Variants in SHISAL1 observed in about 807,000 individuals in gnomAD.
SHISAL1 encodes the protein protein shisa-like-1.
In SHISAL1, 9 loss-of-function variants were observed where a neutral mutation model predicts 22.6. The observed-to-expected ratio is 0.40, with a 90% CI of 0.24 to 0.70. The LOEUF (loss-of-function observed/expected upper bound fraction) is 0.70. SHISAL1 is among the 30% of genes least tolerant of loss of function. The pLI, the probability that SHISAL1 is intolerant of heterozygous loss-of-function variation, is 0.39. For missense variants in SHISAL1, 246 were observed against 270.6 expected (o/e 0.91, Z 0.64); for synonymous variants, 119 against 115.4 (o/e 1.03, Z -0.20).
chr22:44,292,981 T>G (rs1459248906), intron 3 of SHISAL1, among the ~76,000 whole-genome samples: 2 of 152,220 alleles, frequency 1.3e-5, no homozygotes, highest in Admixed American at 1.3e-4. Flanking sequence ...CCAGGGACGC[T>G]TGATGGCCTC....
Position 44,274,214 on chromosome 22 carries a change from C to A in SHISAL1, c.599+11214G>T, listed in dbSNP as rs547777446. ...GCAGTGAGCCAAGATCACACCACTG[C>A]ACTCCAGCCTGGGCGACAGAATGAG... On this transcript the variant is annotated intron_variant, in intron 4 of 4. Transcript: ENST00000381176. 2.6e-5 allele frequency among the ~76,000 whole-genome samples: 4 copies of A among 152,222 alleles called. No homozygotes were observed. The East Asian group carries it at 7.7e-4, about 29-fold the overall frequency.
intron 4 of SHISAL1, among the ~76,000 whole-genome samples, chr22:44,263,363 A>G (rs1386279581): frequency 6.6e-6 from 1 of 151,760 alleles, no homozygotes; most frequent in Non-Finnish European, 1.5e-5. Context: ...GAGCCACTGC[A>G]CCCGGCCGCC....
rs1183401034 is a variant in SHISAL1 at position 44,250,433 on chromosome 22, CACTT to C, written c.*-752_*-749del. Among the ~76,000 whole-genome samples, 4 of 152,192 alleles carry C rather than the reference CACTT, an allele frequency of 2.6e-5. No homozygotes were observed. The East Asian group carries it at 5.8e-4, about 22-fold the overall frequency. ...ACAGTGTGGAAACAGATCTGCGGGGCACTTACTTATAGCTTTGATTGGCAGAGTC... is the reference window on the plus strand; with the variant it reads ...ACAGTGTGGAAACAGATCTGCGGGGCACTTATAGCTTTGATTGGCAGAGTC... On this transcript the variant is annotated intron_variant, in intron 4 of 4. Transcript: ENST00000381176.
chr22:44,325,641 C>T, the SHISAL1 span, among the ~76,000 whole-genome samples: 1 of 152,164 alleles, frequency 6.6e-6, no homozygotes, highest in African/African-American at 2.4e-5. Flanking sequence ...GCGACTCTGG[C>T]CACCTTGCTT....
chr22:44,285,759 G>C lies in SHISAL1; in HGVS notation c.282-14C>G, dbSNP rs2055310676. ...GCGGTGTAATTGCTGCGAACAAACA[G>C]AGAGGGAGTGAGCAAGCAGAGGGGA... On this transcript the variant is annotated splice_polypyrimidine_tract_variant and intron_variant, in intron 3 of 4. Transcript: ENST00000381176. 1 of 1,597,384 alleles carries C rather than the reference G, an allele frequency of 6.3e-7. No individual in the cohort carries two copies. Among genetic ancestry groups the C allele is most frequent in the Non-Finnish European group, 8.6e-7 (1 of 1,167,750 alleles).
At chr22:44,271,179 A>T (rs1466658193) in intron 4 of SHISAL1, among the ~76,000 whole-genome samples, 1 of 152,130 alleles carries the variant, frequency 6.6e-6, no homozygotes, top group Non-Finnish European at 1.5e-5. Flanking sequence ...GACAGCCCAG[A>T]GAGGTGATGC....
chr22:44,287,583 A>T (rs1341699332), intron 3 of SHISAL1, among the ~76,000 whole-genome samples: 3 of 151,794 alleles, frequency 2.0e-5, no homozygotes, highest in Non-Finnish European at 4.4e-5. Context: ...TGAAGCCTGC[A>T]TCAGACTGAT....
chr22:44,315,793 T>G (rs1355629193), upstream of SHISAL1, among the ~76,000 whole-genome samples: 1 of 151,960 alleles, frequency 6.6e-6, no homozygotes, highest in Non-Finnish European at 1.5e-5. Context: ...GGAGGATGAC[T>G]GAGATGAAGA....
chr22:44,297,691 G>A (rs970995180), intron 2 of SHISAL1, among the ~76,000 whole-genome samples: 10 of 152,240 alleles, frequency 6.6e-5, no homozygotes, highest in African/African-American at 2.2e-4. Context: ...GAGTCGTGCC[G>A]ATGGTGATAA....
chr22:44,282,797 C>T (rs928955023), intron 4 of SHISAL1, among the ~76,000 whole-genome samples: 5 of 152,206 alleles, frequency 3.3e-5, no homozygotes, highest in Admixed American at 2.0e-4. Flanking sequence ...CCCTGGTCCA[C>T]ACTCCTTGCC....
At chr22:44,288,358 C>A (rs1363295478) in intron 3 of SHISAL1, among the ~76,000 whole-genome samples, 1 of 152,200 alleles carries the variant, frequency 6.6e-6, no homozygotes, top group African/African-American at 2.4e-5. Context: ...CTCCAGGGGC[C>A]AGGCGCGGTG....
chr22:44,251,403 G>A (rs1437679181), intron 4 of SHISAL1, among the ~76,000 whole-genome samples: 1 of 152,160 alleles, frequency 6.6e-6, no homozygotes, highest in Non-Finnish European at 1.5e-5. Flanking sequence ...ATACGCTTAG[G>A]CAAATCAAGA....
chr22:44,299,593 C>G (rs2055411592), intron 2 of SHISAL1, among the ~76,000 whole-genome samples: 1 of 152,210 alleles, frequency 6.6e-6, no homozygotes, highest in Non-Finnish European at 1.5e-5. Context: ...CCCAGACATC[C>G]TCATAGCCTC....
chr22:44,316,092 T>A (rs1422784639), upstream of SHISAL1, among the ~76,000 whole-genome samples: 1 of 152,116 alleles, frequency 6.6e-6, no homozygotes, highest in Non-Finnish European at 1.5e-5. Flanking sequence ...ACAGGACATG[T>A]CATTCTGTGA....
chr22:44,331,201 G>A, the SHISAL1 span, among the ~76,000 whole-genome samples: 1 of 151,858 alleles, frequency 6.6e-6, no homozygotes, highest in Non-Finnish European at 1.5e-5. This position sits in a 1 kb window ranked among gnomAD's most constrained non-coding sequence, Gnocchi z 5.2. Context: ...CCCCAGTGCC[G>A]AACACCGGCT....
rs117670905 is a variant in SHISAL1 at position 44,262,099 on chromosome 22, C to T, written c.*-12414G>A. ...CAAGAGCAGCAGACCCACACTGTGT[C>T]AGCGGCGAGTGTCTGGCAGTCTTGG... On this transcript the variant is annotated intron_variant, in intron 4 of 4. Coordinates refer to ENST00000381176, the MANE Select transcript of SHISAL1 (RefSeq NM_001099294.2). 0.014 allele frequency among the ~76,000 whole-genome samples: 2,061 copies of T among 152,350 alleles called. 125 individuals are homozygous for T. The East Asian group carries it at 0.18, about 13-fold the overall frequency.
the SHISAL1 span, among the ~76,000 whole-genome samples, chr22:44,318,433 A>G: frequency 3.0e-3 from 461 of 152,344 alleles, 4 homozygotes; most frequent in African/African-American, 0.011. Context: ...GCAGAATGCC[A>G]GGGGGAAGCG....
At position 44,249,590 on chromosome 22, in the gene SHISAL1, G is replaced by A; in HGVS notation, c.*95C>T. 1 of 762,418 alleles carries A rather than the reference G, an allele frequency of 1.3e-6. No homozygotes were observed. The highest frequency in any genetic ancestry group is 1.4e-5 in the South Asian group (1 of 72,802). The allele number at this position is 762,418 out of a possible 1,614,324, so 47.2% of individuals were successfully genotyped here. On this transcript the variant is annotated 3_prime_UTR_variant, in exon 5 of 5. Transcript: ENST00000381176. ...CTGTGCCACCGCCGCTACCTCGGCT[G>A]TCCCTGGCATCTCTGTAGAAGTTGT... is the stretch of plus-strand genomic sequence containing the variant.
rs1195917227 is a variant in SHISAL1 at position 44,245,819 on chromosome 22, C to G, written c.*3866G>C. 1.3e-5 allele frequency: 2 copies of G among 152,218 alleles called. No homozygotes were observed. The highest frequency in any genetic ancestry group is 6.5e-5 in the Admixed American group (1 of 15,284). 9.4% of individuals were successfully genotyped at this position (152,218 alleles called of 1,614,324 possible). A position where few individuals can be genotyped will look rare whatever the true frequency, so the allele number is the denominator to read the frequency against. ...CCCTGTCATGTTTTCCCTGACATTC[C>G]CAAGTCCTCCTCTTCAGCTCTGGGC... On this transcript the variant is annotated 3_prime_UTR_variant, in exon 5 of 5. Coordinates refer to ENST00000381176, the MANE Select transcript of SHISAL1 (RefSeq NM_001099294.2).
Sources: gnomAD v4.1 joint callset for allele counts (sites outside exome capture counted in the v4.1 genomes callset) on GRCh38, gnomAD v4.1.1 for gene constraint, Gnocchi (gnomAD v3.1) non-coding constraint, MANE v1.5 for transcripts, NCBI Gene and HGNC (gene_info 2026-07-23, HGNC 2026-07-21) for gene names.